Variants in AIDA observed in about 807,000 individuals in gnomAD.
AIDA encodes axin interactor, dorsalization associated.
In AIDA, 18 loss-of-function variants were observed where a neutral mutation model predicts 42.7. That is an observed-to-expected ratio of 0.42 (90% confidence interval 0.29 to 0.63). The LOEUF is 0.63. AIDA is among the 20% of genes least tolerant of loss of function. The pLI is 0.19. For missense variants in AIDA, 250 were observed against 354.1 expected (o/e 0.71, Z 2.36); for synonymous variants, 104 against 122.9 (o/e 0.85, Z 1.02).
In AIDA at chr1:222,693,987, G is replaced by A. The variant is rs1571935504; in HGVS notation, c.235-144C>T. 4.5e-6 allele frequency: 4 copies of A among 885,500 alleles called. No homozygotes were observed. The East Asian group carries it at 1.1e-4, about 24-fold the overall frequency. 54.9% of individuals were successfully genotyped at this position (885,500 alleles called of 1,614,324 possible). On this transcript the variant is annotated intron_variant, in intron 3 of 9. Coordinates refer to ENST00000340020, the MANE Select transcript of AIDA (RefSeq NM_022831.4). ...AATGAAAAGTCCCAAACTGGTTTTT[G>A]TTTATTTTTGGAACACTCAGGCCAA... is the stretch of plus-strand genomic sequence containing the variant.
chr1:222,679,001 A>G (rs1226320902), intron 6 of AIDA, among the ~76,000 whole-genome samples: 4 of 152,188 alleles, frequency 2.6e-5, no homozygotes, highest in Admixed American at 6.5e-5. Context: ...TGTTTTCACT[A>G]GTAATAAAGA....
At chr1:222,694,343 T>C in intron 2 of AIDA, 80 bp from the exon 3 acceptor site, 1 of 1,180,516 alleles carries the variant, frequency 8.5e-7, no homozygotes, top group Non-Finnish European at 1.2e-6. Flanking sequence ...TTTTTATTAA[T>C]AAAAGATCCA....
At chr1:222,687,132 T>TA (rs1655218064) in intron 5 of AIDA, 96 bp from the exon 6 acceptor site, 9 of 1,529,088 alleles carry the variant, frequency 5.9e-6, no homozygotes, top group South Asian at 1.2e-5. Context: ...GATGCTGATA[T>TA]AAAAAAATGC....
chr1:222,712,259 G>A lies in AIDA; in HGVS notation c.59C>T (p.Ala20Val), dbSNP rs753014833. Residue 20 changes from alanine to valine, a missense_variant, in exon 1 of 10, where the codon GCC becomes GTC. Transcript: ENST00000340020. Reference sequence around the variant, plus strand: ...CAGCTGGCCCCAAGAGTCGAAGTCGGCGCCTCTCCTAAAACTGGCGCCCCA... The same window carrying A: ...CAGCTGGCCCCAAGAGTCGAAGTCGACGCCTCTCCTAAAACTGGCGCCCCA... The part of the protein sequence containing the change: ...QRWGASFRRG[A>V]DFDSWGQLVE... The A allele has an allele frequency of 6.3e-7, 1 of 1,596,192 alleles. No individual in the cohort carries two copies. The highest frequency in any genetic ancestry group is 1.1e-5 in the South Asian group (1 of 88,564).
chr1:222,694,989 T>A (rs576564403), intron 2 of AIDA, among the ~76,000 whole-genome samples: 2 of 152,318 alleles, frequency 1.3e-5, no homozygotes, highest in Middle Eastern at 3.4e-3. Context: ...TTTCTAAAAT[T>A]AAAGGGTTTA....
rs762547568 is a variant in AIDA, at chr1:222,703,145, T to G, written c.180+3A>C. ...GATATATCTAGAGATTATTTTATGG[T>G]ACCTTTTGTTCTTCTGTGAATTCAG... On this transcript the variant is annotated splice_donor_region_variant and intron_variant, in intron 2 of 9. Transcript: ENST00000340020. The G allele has an allele frequency of 6.2e-7, 1 of 1,600,346 alleles. No individual in the cohort carries two copies. Among genetic ancestry groups the G allele is most frequent in the Non-Finnish European group, 8.5e-7 (1 of 1,174,408 alleles).
intron 8 of AIDA, among the ~76,000 whole-genome samples, chr1:222,672,397 T>A (rs539188300): frequency 6.6e-5 from 10 of 152,354 alleles, no homozygotes; most frequent in Middle Eastern, 3.4e-3. Flanking sequence ...CGTTATTTAT[T>A]AAGCACCTCC....
At chr1:222,707,847 C>T (rs947919893) in intron 1 of AIDA, among the ~76,000 whole-genome samples, 5 of 152,220 alleles carry the variant, frequency 3.3e-5, no homozygotes, top group African/African-American at 1.2e-4. Flanking sequence ...TAGACTAATA[C>T]TTTTGTGAAA....
At chr1:222,702,433 C>G (rs148928605) in intron 2 of AIDA, among the ~76,000 whole-genome samples, 27 of 152,018 alleles carry the variant, frequency 1.8e-4, no homozygotes, top group Non-Finnish European at 2.8e-4. Flanking sequence ...TACTCTGAGC[C>G]AAGAGATAAT....
At position 222,673,338 on chromosome 1, in the gene AIDA, C is replaced by G. The variant is rs200423401; in HGVS notation, c.681G>C (p.Gln227His). 2 of 1,608,084 alleles carry G rather than the reference C, an allele frequency of 1.2e-6. No homozygotes were observed. The highest frequency in any genetic ancestry group is 2.7e-5 in the African/African-American group (2 of 74,720). Residue 227 changes from glutamine (Q) to histidine (H), a missense_variant, in exon 8 of 10, where the codon CAG becomes CAC. This residue lies in a region of AIDA where 199 missense variants were observed against 232.6 expected (regional missense o/e 0.86). Transcript: ENST00000340020. ...CTTTGGTTAATTTTTCAACATGCTT[C>G]TGGAGCTCAATGTCCACATTAAAAT... ...YVHFNVDIELQKHVEKLTKGA... is the reference protein window; with the variant it reads ...YVHFNVDIELHKHVEKLTKGA...
At chr1:222,679,929 G>C (rs1056569714) in intron 6 of AIDA, among the ~76,000 whole-genome samples, 3 of 152,230 alleles carry the variant, frequency 2.0e-5, no homozygotes, top group African/African-American at 7.2e-5. Flanking sequence ...GAAAAGCTCT[G>C]TATGGCTACA....
At chr1:222,685,832 G>A (rs1655152960) in intron 6 of AIDA, among the ~76,000 whole-genome samples, 1 of 152,154 alleles carries the variant, frequency 6.6e-6, no homozygotes, top group South Asian at 2.1e-4. Flanking sequence ...ACTCCCATGG[G>A]TCCACTTTTA....
chr1:222,687,270 A>G (rs1427223622), intron 5 of AIDA, among the ~76,000 whole-genome samples: 1 of 152,062 alleles, frequency 6.6e-6, no homozygotes, highest in African/African-American at 2.4e-5. Flanking sequence ...TCTCTACTAA[A>G]ATACAAAAAA....
At chr1:222,704,617 G>C (rs979225917) in intron 1 of AIDA, among the ~76,000 whole-genome samples, 1 of 152,122 alleles carries the variant, frequency 6.6e-6, no homozygotes, top group African/African-American at 2.4e-5. Flanking sequence ...AATCCACAGA[G>C]ACAAAAAGCA....
intron 6 of AIDA, among the ~76,000 whole-genome samples, chr1:222,686,116 G>T (rs921913649): frequency 2.0e-5 from 3 of 152,162 alleles, no homozygotes; most frequent in Non-Finnish European, 2.9e-5. Context: ...AGCCGAGATG[G>T]TGCCACTGCA....
chr1:222,680,726 G>A lies in AIDA; in HGVS notation c.461-4508C>T, dbSNP rs866234023. On this transcript the variant is annotated intron_variant, in intron 6 of 9. Coordinates refer to ENST00000340020, the MANE Select transcript of AIDA (RefSeq NM_022831.4). ...ACAACCATTGATAAGTAAAGACACC[G>A]ATTATTTTGATATCCTAATGGCCAT... Among the ~76,000 whole-genome samples, 4 of 151,230 alleles carry A rather than the reference G, an allele frequency of 2.6e-5. 1 individual carries two copies. The highest frequency in any genetic ancestry group is 2.4e-5 in the African/African-American group (1 of 41,188).
intron 6 of AIDA, among the ~76,000 whole-genome samples, chr1:222,677,923 A>T (rs75656404): frequency 0.18 from 27,674 of 151,982 alleles, 4,160 homozygotes; most frequent in African/African-American, 0.41. Flanking sequence ...TTAAAAAAAA[A>T]TTTTTTACAC....
At position 222,680,779 on chromosome 1, in the gene AIDA, T is replaced by C. The variant is rs564717293; in HGVS notation, c.461-4561A>G. Among the ~76,000 whole-genome samples, 14 of 152,194 alleles carry C rather than the reference T, an allele frequency of 9.2e-5. No homozygotes were observed. The South Asian group carries it at 1.5e-3, about 16-fold the overall frequency. On this transcript the variant is annotated intron_variant, in intron 6 of 9. Coordinates refer to ENST00000340020, the MANE Select transcript of AIDA (RefSeq NM_022831.4). The stretch of plus-strand genomic sequence containing the variant: ...AAAATAGAGTAAAGCTTTTTTTTTT[T>C]CTAAAGTAATGTTCACTTAAAAAAG...
chr1:222,671,263 A>G (rs1664444274), intron 8 of AIDA, among the ~76,000 whole-genome samples: 1 of 152,114 alleles, frequency 6.6e-6, no homozygotes, highest in African/African-American at 2.4e-5. Context: ...AGACGGTCCT[A>G]TGTCCCCAAA....
Sources: gnomAD v4.1 joint callset for allele counts (sites outside exome capture counted in the v4.1 genomes callset) on GRCh38, gnomAD v4.1.1 for gene constraint, gnomAD v4.1.1 regional missense constraint, MANE v1.5 for transcripts, NCBI Gene and HGNC (gene_info 2026-07-23, HGNC 2026-07-21) for gene names.